MAMLD1: variants seen among roughly 807,000 people sequenced by gnomAD.
MAMLD1 encodes the protein mastermind like domain containing 1, also known as mastermind-like domain-containing protein 1.
A neutral mutation model predicts 45.0 loss-of-function variants in MAMLD1; 14 were observed. That is an observed-to-expected ratio of 0.31 (90% CI 0.21 to 0.49). MAMLD1 has a LOEUF of 0.49. Among genes scored for constraint, MAMLD1 ranks in the 20% least tolerant of loss-of-function variants. The pLI, the probability that MAMLD1 is intolerant of heterozygous loss-of-function variation, is 0.99. For missense variants in MAMLD1, 543 were observed against 603.6 expected (o/e 0.90, Z 1.05); for synonymous variants, 254 against 247.8 (o/e 1.02, Z -0.24).
At chrX:150,402,927 TG>T (rs1265730481) in intron 1 of MAMLD1, among the ~76,000 whole-genome samples, 1 of 108,113 alleles carries the variant, frequency 9.2e-6, no homozygotes, top group African/African-American at 3.4e-5. Context: ...TGTTGTGGGG[TG>T]GGGGGAGGAA....
intron 1 of MAMLD1, among the ~76,000 whole-genome samples, chrX:150,425,152 T>G (rs1184578558): frequency 8.9e-6 from 1 of 111,951 alleles, no homozygotes; most frequent in East Asian, 2.8e-4. Context: ...ATGATAGACA[T>G]TTGGGTTGTT....
intron 1 of MAMLD1, among the ~76,000 whole-genome samples, chrX:150,428,834 A>G (rs1339682805): frequency 9.0e-6 from 1 of 111,700 alleles, no homozygotes; most frequent in Non-Finnish European, 1.9e-5. Context: ...GGGAGTAGGC[A>G]GCTACTGCAC....
At chrX:150,449,206 A>G (rs1557404943) in intron 2 of MAMLD1, among the ~76,000 whole-genome samples, 1 of 110,626 alleles carries the variant, frequency 9.0e-6, no homozygotes, top group Admixed American at 9.6e-5. Context: ...TGACTTTCAG[A>G]AGGATGGCCA....
chrX:150,421,146 T>C (rs2034495687), intron 1 of MAMLD1: 1 of 114,917 alleles, frequency 8.7e-6, no homozygotes, highest in South Asian at 3.6e-4. Flanking sequence ...TGGTGCGCCG[T>C]GTTTTAAGCC....
Position 150,470,830 on chromosome X carries a change from G to T in MAMLD1, c.1257G>T (p.Pro419=). The T allele has an allele frequency of 5.8e-6, 7 of 1,211,684 alleles. No homozygotes were observed. The highest frequency in any genetic ancestry group is 6.7e-6 in the Non-Finnish European group (6 of 895,561). Residue 419 remains proline (P), a synonymous_variant, in exon 4 of 8, where the codon CCG becomes CCT. Transcript: ENST00000370401. ...CCAGCCCTGCTCTCACTCAACAGCCGCAGTTCGGCCCTCAGAGCTCCATTC... is the reference window on the plus strand; with the variant it reads ...CCAGCCCTGCTCTCACTCAACAGCCTCAGTTCGGCCCTCAGAGCTCCATTC... The part of the protein sequence containing the change: ...KLPSPALTQQ[P]QFGPQSSILA...
chrX:150,441,334 T>C (rs1211036072), intron 1 of MAMLD1, among the ~76,000 whole-genome samples: 1 of 107,982 alleles, frequency 9.3e-6, no homozygotes, highest in East Asian at 2.9e-4. Flanking sequence ...TCTGCTTGCT[T>C]TGGGTTTATT....
chrX:150,369,857 A>T (rs60793858), intron 1 of MAMLD1, among the ~76,000 whole-genome samples: 48,194 of 104,713 alleles, frequency 0.46, 8,993 homozygotes, highest in South Asian at 0.56. Flanking sequence ...GTTTTTTTTT[A>T]AATCACATTT....
chrX:150,423,335 A>G (rs1309937612), intron 1 of MAMLD1, among the ~76,000 whole-genome samples: 5 of 97,310 alleles, frequency 5.1e-5, no homozygotes, highest in African/African-American at 1.9e-4. Context: ...CCAGGGGGGA[A>G]AAACATTATA....
At chrX:150,418,349 C>T (rs2034341619) in intron 1 of MAMLD1, among the ~76,000 whole-genome samples, 1 of 109,966 alleles carries the variant, frequency 9.1e-6, no homozygotes, top group Non-Finnish European at 1.9e-5. Context: ...ATTAGTCTTG[C>T]TAGTGGTCTA....
At chrX:150,486,960 G>A (rs1396172403) in intron 5 of MAMLD1, among the ~76,000 whole-genome samples, 1 of 111,559 alleles carries the variant, frequency 9.0e-6, no homozygotes, top group East Asian at 2.8e-4. Flanking sequence ...TTAAATTAGT[G>A]GTTCTCACAT....
intron 5 of MAMLD1, among the ~76,000 whole-genome samples, chrX:150,491,599 A>C (rs1242974896): frequency 8.9e-6 from 1 of 112,357 alleles, no homozygotes; most frequent in East Asian, 2.8e-4. Flanking sequence ...ACAAAGAAGC[A>C]GGCAGCTCTG....
At chrX:150,402,956 A>C (rs1312864685) in intron 1 of MAMLD1, among the ~76,000 whole-genome samples, 3 of 110,486 alleles carry the variant, frequency 2.7e-5, no homozygotes, top group African/African-American at 9.9e-5. Context: ...TGGCATTGGG[A>C]GATATACCTA....
At chrX:150,364,980 G>A (rs1314179166) in intron 1 of MAMLD1, among the ~76,000 whole-genome samples, 1 of 111,873 alleles carries the variant, frequency 8.9e-6, no homozygotes, top group African/African-American at 3.2e-5. Flanking sequence ...CCACCGGCCG[G>A]GCGGGGTCGA....
At chrX:150,473,543 T>G in intron 4 of MAMLD1, 137 bp from the exon 5 acceptor site, 1 of 579,563 alleles carries the variant, frequency 1.7e-6, no homozygotes, top group Non-Finnish European at 3.0e-6. Context: ...TGATAGACCA[T>G]GCGGCAAGCA....
rs191167055 is a variant in MAMLD1, at chrX:150,475,948, T to A, written c.2040+2146T>A. Among the ~76,000 whole-genome samples, 422 of 112,182 alleles carry A rather than the reference T, an allele frequency of 3.8e-3. 3 individuals are homozygous for A. The highest frequency in any genetic ancestry group is 0.013 in the African/African-American group (391 of 30,891). ...GGTAATGTGGTGCAAATACCAAATG[T>A]CACACAACCCTCCAGTGTAATCTGA... On this transcript the variant is annotated intron_variant, in intron 5 of 7. Transcript: ENST00000370401.
chrX:150,453,601 C>G (rs2035740848), intron 2 of MAMLD1, among the ~76,000 whole-genome samples: 1 of 111,985 alleles, frequency 8.9e-6, no homozygotes, highest in African/African-American at 3.2e-5. Flanking sequence ...CCAGAGAGAA[C>G]TTTTTCAAAG....
intron 1 of MAMLD1, among the ~76,000 whole-genome samples, chrX:150,394,256 C>T (rs1184726868): frequency 1.0e-5 from 1 of 99,856 alleles, no homozygotes; most frequent in Admixed American, 1.2e-4. Flanking sequence ...TGAGTATATT[C>T]CTGTGGGTCT....
At chrX:150,447,632 G>A (rs782344264) in intron 2 of MAMLD1, among the ~76,000 whole-genome samples, 3 of 111,618 alleles carry the variant, frequency 2.7e-5, no homozygotes, top group Non-Finnish European at 3.8e-5. Flanking sequence ...AATAAAAGCA[G>A]AATGGCCTGT....
chrX:150,384,263 T>C (rs1459901150), intron 1 of MAMLD1, among the ~76,000 whole-genome samples: 1 of 112,255 alleles, frequency 8.9e-6, no homozygotes, highest in East Asian at 2.8e-4. Flanking sequence ...CTCCACATCC[T>C]TGCCAACACT....
Sources: gnomAD v4.1 joint callset for allele counts (sites outside exome capture counted in the v4.1 genomes callset) on GRCh38, gnomAD v4.1.1 for gene constraint, MANE v1.5 for transcripts, NCBI Gene and HGNC (gene_info 2026-07-23, HGNC 2026-07-21) for gene names.